Variants in NRP2 observed in about 807,000 individuals in gnomAD.
NRP2 encodes neuropilin 2, also known as neuropilin-2.
In NRP2, 52 loss-of-function variants were observed where a neutral mutation model predicts 110.4. The ratio of observed to expected loss-of-function variants is 0.47; its 90% CI spans 0.38 to 0.59. The LOEUF is 0.59. NRP2 is among the 20% of genes least tolerant of loss of function. The pLI, the probability that NRP2 is intolerant of heterozygous loss-of-function variation, is 0.00. For synonymous variants in NRP2, 508 were observed against 468.9 expected (o/e 1.08, Z -1.08); for missense variants, 1,049 against 1,203.0 (o/e 0.87, Z 1.89).
intron 15 of NRP2, among the ~76,000 whole-genome samples, chr2:205,788,315 T>C (rs989842775): frequency 6.6e-6 from 1 of 152,176 alleles, no homozygotes; most frequent in African/African-American, 2.4e-5. Context: ...CCCACTTGAT[T>C]ACTCAAGCTC....
In NRP2 at chr2:205,746,515, C is replaced by T. The variant is rs1349668403; in HGVS notation, c.1786+625C>T. Among the ~76,000 whole-genome samples, 3 of 152,190 alleles carry T rather than the reference C, an allele frequency of 2.0e-5. No individual in the cohort carries two copies. In the East Asian group the frequency reaches 5.8e-4, roughly 29 times the overall value. The stretch of plus-strand genomic sequence containing the variant: ...CCTGGTTTCCGAGGGAGGGCCCTGC[C>T]CTTCTGAGTCAGGCCCTACCTTCCT... On this transcript the variant is annotated intron_variant, in intron 10 of 16. Coordinates refer to ENST00000357785, the MANE Select transcript of NRP2 (RefSeq NM_003872.3).
chr2:205,698,436 A>G lies in NRP2; in HGVS notation c.251+715A>G, dbSNP rs567723641. Among the ~76,000 whole-genome samples, 64 of 152,326 alleles carry G rather than the reference A, an allele frequency of 4.2e-4. 1 individual carries two copies. The highest frequency in any genetic ancestry group is 1.5e-3 in the African/African-American group (61 of 41,578). On this transcript the variant is annotated intron_variant, in intron 2 of 16. Transcript: ENST00000357785. ...TGCAAAAGAGAGAAAACCGAAGCAC[A>G]GAGAGGTTAGGTCAGTCACCCAAGG... is the stretch of plus-strand genomic sequence containing the variant.
chr2:205,768,378 T>A (rs749481526), intron 15 of NRP2: 5 of 152,248 alleles, frequency 3.3e-5, no homozygotes, highest in Non-Finnish European at 5.9e-5. Flanking sequence ...GGATGTTGTT[T>A]CGCCTGACTC....
chr2:205,699,332 G>C (rs73983221), intron 2 of NRP2, among the ~76,000 whole-genome samples: 4 of 152,184 alleles, frequency 2.6e-5, no homozygotes, highest in African/African-American at 9.7e-5. Flanking sequence ...ACTGCAGAAG[G>C]TTGGCACAAA....
chr2:205,722,165 TCTCTCATACACA>T (rs1304733755), intron 3 of NRP2: 7 of 337,572 alleles, frequency 2.1e-5, no homozygotes, highest in African/African-American at 1.4e-4. Context: ...TCTCTCTCTC[TCTCTCATACACA>T]CACACACACA....
chr2:205,714,728 C>T (rs1003210074), intron 2 of NRP2, among the ~76,000 whole-genome samples: 4 of 152,148 alleles, frequency 2.6e-5, no homozygotes, highest in Admixed American at 2.0e-4. Context: ...GGAGCTTCAG[C>T]GGTTCTTTTT....
At chr2:205,775,107 G>A (rs3755233) in intron 15 of NRP2, among the ~76,000 whole-genome samples, 25,039 of 152,116 alleles carry the variant, frequency 0.16, 2,431 homozygotes, top group African/African-American at 0.28. Context: ...GCATCTTTCC[G>A]GCTTAATGCA....
At chr2:205,745,948 T>A in intron 10 of NRP2, 58 bp downstream of exon 10, 1 of 1,602,220 alleles carries the variant, frequency 6.2e-7, no homozygotes. Context: ...GACCCTGGCA[T>A]CCCACGAGGC....
chr2:205,690,579 TACAC>T (rs10591632), intron 1 of NRP2, among the ~76,000 whole-genome samples: 12,599 of 123,966 alleles, frequency 0.1, 700 homozygotes, highest in African/African-American at 0.13. Flanking sequence ...CTGCTAAAAA[TACAC>T]ACACACACAC....
chr2:205,757,731 A>G (rs935698546), intron 12 of NRP2, among the ~76,000 whole-genome samples: 3 of 152,204 alleles, frequency 2.0e-5, no homozygotes, highest in African/African-American at 7.2e-5. Flanking sequence ...GCTCTGGACC[A>G]TGATAGATAA....
Position 205,798,123 on chromosome 2 carries a change from T to G in NRP2, c.*3065T>G, listed in dbSNP as rs945144335. 2 of 151,270 alleles carry G rather than the reference T, an allele frequency of 1.3e-5. No homozygotes were observed. The highest frequency in any genetic ancestry group is 4.9e-5 in the African/African-American group (2 of 41,124). The allele number at this position is 151,270 out of a possible 1,614,324, so 9.4% of individuals were successfully genotyped here. A position where few individuals can be genotyped will look rare whatever the true frequency, so the allele number is the denominator to read the frequency against. ...AAGATTACTATTTAAATAAACATTA[T>G]ACCAGAGATATTTTTCTGCATCGTG... is the stretch of plus-strand genomic sequence containing the variant. On this transcript the variant is annotated 3_prime_UTR_variant, in exon 17 of 17. Coordinates refer to ENST00000357785, the MANE Select transcript of NRP2 (RefSeq NM_003872.3).
intron 1 of NRP2, among the ~76,000 whole-genome samples, chr2:205,691,328 G>A (rs936174177): frequency 6.6e-6 from 1 of 152,194 alleles, no homozygotes; most frequent in African/African-American, 2.4e-5. Flanking sequence ...GGCAGAGGCA[G>A]CCTGGAGTGA....
chr2:205,693,681 C>T (rs1191576264), intron 1 of NRP2, among the ~76,000 whole-genome samples: 3 of 152,158 alleles, frequency 2.0e-5, no homozygotes, highest in South Asian at 2.1e-4. Context: ...CTGCTAATGT[C>T]GATCCCTCCC....
chr2:205,712,094 TGAGA>T (rs1464531536), intron 2 of NRP2, among the ~76,000 whole-genome samples: 2 of 152,130 alleles, frequency 1.3e-5, no homozygotes, highest in East Asian at 3.8e-4. Flanking sequence ...ACTTTGAAGT[TGAGA>T]AAGAAAGTAG....
At chr2:205,723,658 G>A in intron 4 of NRP2, 127 bp from the exon 5 acceptor site, 1 of 957,342 alleles carries the variant, frequency 1.0e-6, no homozygotes, top group Non-Finnish European at 1.6e-6. Context: ...CATATCTTTG[G>A]TTTTTATGGC....
At position 205,743,274 on chromosome 2, in the gene NRP2, A is replaced by C; in HGVS notation, c.1363A>C (p.Thr455Pro). Residue 455 changes from threonine to proline, a missense_variant, in exon 9 of 17, where the codon ACC becomes CCC. Thr to Pro is a conservative substitution (Grantham distance 38). Coordinates refer to ENST00000357785, the MANE Select transcript of NRP2 (RefSeq NM_003872.3). ...IADSQISASS[T>P]QEYLWSPSAA... The stretch of plus-strand genomic sequence containing the variant: ...AGACTCCCAGATCTCCGCCTCTTCC[A>C]CCCAGGAATACCTCTGGAGCCCCAG... 2 of 1,614,000 alleles carry C rather than the reference A, an allele frequency of 1.2e-6. No individual in the cohort carries two copies. The highest frequency in any genetic ancestry group is 1.7e-6 in the Non-Finnish European group (2 of 1,179,982).
intron 3 of NRP2, among the ~76,000 whole-genome samples, chr2:205,721,308 T>C (rs2057007098): frequency 6.6e-6 from 1 of 152,216 alleles, no homozygotes; most frequent in South Asian, 2.1e-4. Flanking sequence ...GTGTTTTTTA[T>C]GCTTAGAGTG....
At chr2:205,697,428 A>G in intron 1 of NRP2, 116 bp from the exon 2 acceptor site, 1 of 1,002,308 alleles carries the variant, frequency 1.0e-6, no homozygotes, top group Non-Finnish European at 1.6e-6. Context: ...GGACTGCCAT[A>G]AAAGGTCTGT....
At chr2:205,752,383 GTC>G (rs1274740058) in intron 11 of NRP2, 5 of 237,838 alleles carry the variant, frequency 2.1e-5, no homozygotes, top group Non-Finnish European at 8.3e-6. Flanking sequence ...AGGGATTTCA[GTC>G]TCTCTGGATG....
Sources: gnomAD v4.1 joint callset for allele counts (sites outside exome capture counted in the v4.1 genomes callset) on GRCh38, gnomAD v4.1.1 for gene constraint, MANE v1.5 for transcripts, NCBI Gene and HGNC (gene_info 2026-07-23, HGNC 2026-07-21) for gene names.